Variants in GRIA4 observed in about 807,000 individuals in gnomAD.
GRIA4 encodes the protein glutamate receptor 4.
GRIA4 carries 34 observed loss-of-function variants against 104.0 expected under a neutral mutation model. The observed-to-expected ratio is 0.33, with a 90% CI of 0.25 to 0.44. GRIA4 has a LOEUF of 0.44. GRIA4 is among the 20% of genes least tolerant of loss of function. The probability of loss-of-function intolerance (pLI) is 1.00; values close to 1 mark genes in which losing one functional copy is unlikely to be tolerated. For synonymous variants in GRIA4, 386 were observed against 381.9 expected (o/e 1.01, Z -0.13); for missense variants, 750 against 1,096.5 (o/e 0.68, Z 4.46).
intron 3 of GRIA4, among the ~76,000 whole-genome samples, chr11:105,700,434 C>T (rs906114995): frequency 2.0e-5 from 3 of 152,168 alleles, no homozygotes; most frequent in African/African-American, 4.8e-5. Flanking sequence ...GTTCCAATCC[C>T]ATGTGGCCCA....
intron 3 of GRIA4, among the ~76,000 whole-genome samples, chr11:105,667,353 A>C (rs1320498908): frequency 1.3e-5 from 2 of 152,004 alleles, no homozygotes; most frequent in African/African-American, 2.4e-5. Context: ...AAAGGCCCAA[A>C]GGGAGATGAA....
chr11:105,650,497 GA>G (rs561487919), intron 3 of GRIA4, among the ~76,000 whole-genome samples: 9 of 147,544 alleles, frequency 6.1e-5, no homozygotes, highest in African/African-American at 1.2e-4. Context: ...CCAAGAGTCT[GA>G]AAAAAAAAAT....
At chr11:105,707,436 T>C (rs1953743237) in intron 3 of GRIA4, 1 of 152,194 alleles carries the variant, frequency 6.6e-6, no homozygotes, top group African/African-American at 2.4e-5. Context: ...GGAATACCTG[T>C]ACTGAAAGTT....
chr11:105,915,527 C>A (rs1311827649), intron 10 of GRIA4, among the ~76,000 whole-genome samples: 1 of 152,124 alleles, frequency 6.6e-6, no homozygotes, highest in Non-Finnish European at 1.5e-5. Context: ...ATCAGAATTT[C>A]TAATAAAATT....
chr11:105,905,021 T>C (rs546465891), intron 8 of GRIA4, among the ~76,000 whole-genome samples, 176 bp from the exon 9 acceptor site: 2 of 152,352 alleles, frequency 1.3e-5, no homozygotes, highest in East Asian at 3.9e-4. Context: ...TATACATCCC[T>C]TTGATATTCC....
rs1164993173 is a variant in GRIA4, at chr11:105,794,489, A to G, written c.487+41269A>G. Among the ~76,000 whole-genome samples, 38 of 114,060 alleles carry G rather than the reference A, an allele frequency of 3.3e-4. 3 individuals are homozygous for G. In the East Asian group the frequency reaches 5.1e-3, roughly 15 times the overall value. 74.8% of individuals were successfully genotyped at this position (114,060 alleles called of 152,430 possible). A position where few individuals can be genotyped will look rare whatever the true frequency, so the allele number is the denominator to read the frequency against. ...TATATGTATGTATATATATATATAT[A>G]TATATATATATATATATATATATAC... On this transcript the variant is annotated intron_variant, in intron 4 of 16. Coordinates refer to ENST00000282499, the MANE Select transcript of GRIA4 (RefSeq NM_000829.4).
At chr11:105,838,427 T>C (rs1018093789) in intron 4 of GRIA4, among the ~76,000 whole-genome samples, 2 of 152,212 alleles carry the variant, frequency 1.3e-5, no homozygotes, top group African/African-American at 4.8e-5. Flanking sequence ...GTTCTGCCTC[T>C]GATCCTGCAG....
At chr11:105,638,937 A>C (rs2135341677) in intron 3 of GRIA4, among the ~76,000 whole-genome samples, 1 of 152,198 alleles carries the variant, frequency 6.6e-6, no homozygotes, top group South Asian at 2.1e-4. Flanking sequence ...CTATTACCTA[A>C]GCTATTTTCA....
At chr11:105,849,297 C>A (rs1452686151) in intron 4 of GRIA4, among the ~76,000 whole-genome samples, 2 of 152,208 alleles carry the variant, frequency 1.3e-5, no homozygotes, top group Non-Finnish European at 2.9e-5. Context: ...AAGCACACAG[C>A]TGCAGACCAT....
Position 105,673,587 on chromosome 11 carries a change from T to C in GRIA4, c.247+61153T>C, listed in dbSNP as rs147898079. Among the ~76,000 whole-genome samples the C allele has an allele frequency of 4.4e-3, 666 of 152,184 alleles. 4 individuals carry two copies. Among genetic ancestry groups the C allele is most frequent in the African/African-American group, 0.015 (638 of 41,554 alleles). On this transcript the variant is annotated intron_variant, in intron 3 of 16. Transcript: ENST00000282499. ...AAACAGTTTAACTCTTTACTCCTCC[T>C]TTCTGTAGAACATGGAAATATCTTG...
At chr11:105,914,839 G>T (rs539548824) in intron 10 of GRIA4, among the ~76,000 whole-genome samples, 3 of 152,008 alleles carry the variant, frequency 2.0e-5, no homozygotes, top group African/African-American at 7.3e-5. Context: ...TGAACACTTG[G>T]GAATTCATAA....
chr11:105,971,174 A>T (rs191293079), intron 14 of GRIA4, among the ~76,000 whole-genome samples: 167 of 152,290 alleles, frequency 1.1e-3, no homozygotes, highest in Non-Finnish European at 2.0e-3. Flanking sequence ...ATGCTTTAAG[A>T]TTCAAGATAG....
At chr11:105,769,850 C>G (rs773098325) in intron 4 of GRIA4, among the ~76,000 whole-genome samples, 1 of 151,916 alleles carries the variant, frequency 6.6e-6, no homozygotes, top group Non-Finnish European at 1.5e-5. Flanking sequence ...ATCAAAATAG[C>G]CTGGCTTTAG....
chr11:105,819,834 T>C (rs1440756425), intron 4 of GRIA4, among the ~76,000 whole-genome samples: 1 of 152,112 alleles, frequency 6.6e-6, no homozygotes, highest in Non-Finnish European at 1.5e-5. Context: ...CCTCAGAACA[T>C]GAACTTATTT....
At chr11:105,885,458 G>T (rs1946221162) in intron 5 of GRIA4, among the ~76,000 whole-genome samples, 1 of 152,182 alleles carries the variant, frequency 6.6e-6, no homozygotes, top group Non-Finnish European at 1.5e-5. Context: ...TATTATAAAT[G>T]CATAGCTGAA....
chr11:105,915,481 C>T (rs139166429), intron 10 of GRIA4, among the ~76,000 whole-genome samples: 125 of 152,232 alleles, frequency 8.2e-4, no homozygotes, highest in Admixed American at 2.0e-3. Context: ...GATAACCTAG[C>T]GCTTGTTAAT....
chr11:105,960,324 A>T (rs1035331954), intron 14 of GRIA4, among the ~76,000 whole-genome samples: 8 of 152,188 alleles, frequency 5.3e-5, no homozygotes, highest in Admixed American at 1.3e-4. Context: ...GTTACTGGAG[A>T]TCCTGCGGGG....
chr11:105,684,604 T>A (rs866877791), intron 3 of GRIA4, among the ~76,000 whole-genome samples: 12 of 147,252 alleles, frequency 8.1e-5, no homozygotes, highest in African/African-American at 2.9e-4. Flanking sequence ...ATAAATATAT[T>A]TTTATATATT....
chr11:105,949,999 G>A (rs1291113906), intron 14 of GRIA4, among the ~76,000 whole-genome samples: 1 of 152,160 alleles, frequency 6.6e-6, no homozygotes, highest in Non-Finnish European at 1.5e-5. Context: ...TTGTTGTGAG[G>A]ATTCAATGAG....
Sources: allele counts gnomAD v4.1 joint callset (sites outside exome capture counted in the v4.1 genomes callset), GRCh38; gene constraint gnomAD v4.1.1; transcripts MANE v1.5; gene names NCBI Gene and HGNC (gene_info 2026-07-23, HGNC 2026-07-21).